Variants in GIGYF2 observed in about 807,000 individuals in gnomAD.
GIGYF2 encodes the protein GRB10 interacting GYF protein 2.
A neutral mutation model predicts 208.1 loss-of-function variants in GIGYF2; 25 were observed. The observed-to-expected ratio is 0.12, with a 90% CI of 0.09 to 0.17. GIGYF2 has a LOEUF of 0.17. Among genes scored for constraint, GIGYF2 ranks in the 10% least tolerant of loss-of-function variants. The pLI is 1.00. For synonymous variants in GIGYF2, 534 were observed against 543.8 expected, an observed-to-expected ratio of 0.98 and a Z score of 0.25; for missense variants, 1,302 against 1,579.4, an observed-to-expected ratio of 0.82 and a Z score of 2.98.
At chr2:232,763,207 G>T (rs540347859) in intron 8 of GIGYF2, among the ~76,000 whole-genome samples, 3 of 152,116 alleles carry the variant, frequency 2.0e-5, no homozygotes, top group Non-Finnish European at 2.9e-5. Context: ...GGGATGAACA[G>T]TAGTTTAAAG....
rs375959158 is a variant in GIGYF2, at chr2:232,812,504, A to G, written c.2107+13A>G. On this transcript the variant is annotated intron_variant, in intron 18 of 28. Coordinates refer to ENST00000373563, the MANE Select transcript of GIGYF2 (RefSeq NM_001103146.3). ...TCACAGCCTACAGGTAAAAACTTAG[A>G]TTAACCTTTAGTACCACTCTGAGGA... is the stretch of plus-strand genomic sequence containing the variant. The G allele has an allele frequency of 1.2e-5, 12 of 1,008,080 alleles. No individual in the cohort carries two copies. Among genetic ancestry groups the G allele is most frequent in the Non-Finnish European group, 1.9e-5 (12 of 627,998 alleles). The allele number at this position is 1,008,080 out of a possible 1,614,324, so 62.4% of individuals were successfully genotyped here.
intron 14 of GIGYF2, among the ~76,000 whole-genome samples, chr2:232,798,258 G>T (rs918544843): frequency 3.3e-5 from 5 of 152,162 alleles, no homozygotes; most frequent in African/African-American, 1.2e-4. Context: ...TTTTATTCCT[G>T]AGTAGTATTG....
chr2:232,841,929 T>TA (rs1200787401), intron 23 of GIGYF2, among the ~76,000 whole-genome samples: 3 of 152,178 alleles, frequency 2.0e-5, no homozygotes, highest in African/African-American at 7.2e-5. Flanking sequence ...TCTTTTTTGA[T>TA]AAGATCTTGC....
rs1332656717 is a variant in GIGYF2, at chr2:232,773,487, A to C, written c.532+12051A>C. On this transcript the variant is annotated intron_variant, in intron 8 of 28. Transcript: ENST00000373563. ...GCCAGTTAATTTTTTTTTTTAATAC[A>C]GGAAGCGTTTGGTGAAATAACAGTC... 2.0e-5 allele frequency among the ~76,000 whole-genome samples: 3 copies of C among 152,038 alleles called. No individual in the cohort carries two copies. In the East Asian group the frequency reaches 5.8e-4, roughly 29 times the overall value.
chr2:232,745,426 A>G (rs1354657174), intron 3 of GIGYF2, among the ~76,000 whole-genome samples: 1 of 152,158 alleles, frequency 6.6e-6, no homozygotes, highest in Non-Finnish European at 1.5e-5. Flanking sequence ...CCCAGGAGCC[A>G]ACCTGAAGAG....
In GIGYF2 at chr2:232,794,850, T is replaced by C; in HGVS notation, c.1385T>C (p.Leu462Pro). The change falls in exon 13 of 29, where the codon CTC becomes CCC. Residue 462 changes from leucine to proline, a missense_variant. Leu to Pro is a moderately conservative substitution (Grantham distance 98, BLOSUM62 -3). Coordinates refer to ENST00000373563, the MANE Select transcript of GIGYF2 (RefSeq NM_001103146.3). ...CCTGTTCCCAATCCTAGTCCTACTC[T>C]CCGGCCAGTTGAAACACCAGTTGTA... ...PPPVPNPSPT[L>P]RPVETPVVGA... The C allele has an allele frequency of 6.2e-7, 1 of 1,613,890 alleles. No individual in the cohort carries two copies. Among genetic ancestry groups the C allele is most frequent in the Non-Finnish European group, 8.5e-7 (1 of 1,179,774 alleles).
intron 5 of GIGYF2, among the ~76,000 whole-genome samples, chr2:232,752,546 A>G (rs1300207380): frequency 6.6e-6 from 1 of 151,914 alleles, no homozygotes; most frequent in Non-Finnish European, 1.5e-5. Context: ...TACTTTATTC[A>G]TTCTTTTTTT....
chr2:232,768,453 A>G lies in GIGYF2; in HGVS notation c.532+7017A>G, dbSNP rs375157738. 7 of 1,614,106 alleles carry G rather than the reference A, an allele frequency of 4.3e-6. No homozygotes were observed. In the East Asian group the frequency reaches 6.7e-5, roughly 15 times the overall value. On this transcript the variant is annotated intron_variant, in intron 8 of 28. Transcript: ENST00000373563. ...GCATATTTCTCCAGTGCCCTCCTGC[A>G]TTGCTGAAAGGAATACAACTAATTC...
At chr2:232,739,937 TAAAAAAA>T (rs34661108) in intron 3 of GIGYF2, among the ~76,000 whole-genome samples, 1 of 111,628 alleles carries the variant, frequency 9.0e-6, no homozygotes, top group African/African-American at 3.4e-5. Flanking sequence ...CCATCTCTGC[TAAAAAAA>T]AAAAAAAAAA....
chr2:232,769,261 T>A (rs144876550), intron 8 of GIGYF2, among the ~76,000 whole-genome samples: 1,795 of 152,254 alleles, frequency 0.012, 17 homozygotes, highest in Non-Finnish European at 0.019. Context: ...CCAGGCATGG[T>A]GTCTCACGCC....
intron 14 of GIGYF2, among the ~76,000 whole-genome samples, chr2:232,797,209 G>T (rs1700249138): frequency 6.6e-6 from 1 of 152,062 alleles, no homozygotes; most frequent in African/African-American, 2.4e-5. Flanking sequence ...ATTAGAATGG[G>T]CACAGAATGC....
intron 5 of GIGYF2, among the ~76,000 whole-genome samples, chr2:232,753,528 G>A (rs1027295670): frequency 2.6e-5 from 4 of 152,020 alleles, no homozygotes; most frequent in African/African-American, 9.7e-5. Context: ...CAAAGTGCTG[G>A]GATTACTGGT....
intron 15 of GIGYF2, among the ~76,000 whole-genome samples, chr2:232,807,127 T>C (rs769277516): frequency 3.3e-5 from 5 of 152,216 alleles, no homozygotes; most frequent in Non-Finnish European, 7.3e-5. Context: ...TTCTCATTCA[T>C]AAAGTTTCTA....
At chr2:232,729,630 A>T (rs1697359604) in intron 2 of GIGYF2, 1 of 1,132,084 alleles carries the variant, frequency 8.8e-7, no homozygotes, top group East Asian at 2.4e-5. Context: ...TCAACTTCAC[A>T]ACGTATTTGA....
At chr2:232,764,144 G>A (rs1002774422) in intron 8 of GIGYF2, among the ~76,000 whole-genome samples, 2 of 152,166 alleles carry the variant, frequency 1.3e-5, no homozygotes, top group Admixed American at 6.5e-5. Flanking sequence ...AAGGTGAATC[G>A]AGACCAAATC....
chr2:232,736,976 C>T (rs75194311), intron 3 of GIGYF2, among the ~76,000 whole-genome samples: 3,424 of 152,232 alleles, frequency 0.022, 136 homozygotes, highest in African/African-American at 0.077. Context: ...TAGCTTGATG[C>T]CTAATATTAT....
Position 232,781,467 on chromosome 2 carries a change from A to T in GIGYF2, c.533-5683A>T, listed in dbSNP as rs1033876579. Among the ~76,000 whole-genome samples the T allele has an allele frequency of 2.0e-5, 3 of 148,232 alleles. No homozygotes were observed. In the South Asian group the frequency reaches 6.3e-4, roughly 31 times the overall value. ...TAGATGCAGTATAATTTTTAGTTAT[A>T]TTAGTAGTAATTGGAAATGTGTATT... On this transcript the variant is annotated intron_variant, in intron 8 of 28. Transcript: ENST00000373563.
intron 28 of GIGYF2, 52 bp downstream of exon 28, chr2:232,850,461 A>G (rs543944739): frequency 2.0e-6 from 3 of 1,513,966 alleles, no homozygotes; most frequent in Non-Finnish European, 2.8e-6. Flanking sequence ...AGGTGATACC[A>G]GTTATCCTGT....
Position 232,790,681 on chromosome 2 carries a change from C to T in GIGYF2, c.713-17C>T. ...CATAAAACTTTTCTAAGGTTTGTGT[C>T]CTCCTTCTCATCTCAGATGGCCCTC... On this transcript the variant is annotated splice_polypyrimidine_tract_variant and intron_variant, in intron 9 of 28. Transcript: ENST00000373563. 1 of 1,594,642 alleles carries T rather than the reference C, an allele frequency of 6.3e-7. No individual in the cohort carries two copies. The highest frequency in any genetic ancestry group is 8.6e-7 in the Non-Finnish European group (1 of 1,162,284).
Sources: allele counts gnomAD v4.1 joint callset (sites outside exome capture counted in the v4.1 genomes callset), GRCh38; gene constraint gnomAD v4.1.1; transcripts MANE v1.5; gene names NCBI Gene and HGNC (gene_info 2026-07-23, HGNC 2026-07-21).